LRRC7: variants seen among roughly 807,000 people sequenced by gnomAD.
LRRC7 encodes leucine rich repeat containing 7, also known as leucine-rich repeat-containing protein 7.
In LRRC7, 23 loss-of-function variants were observed where a neutral mutation model predicts 175.7. The ratio of observed to expected loss-of-function variants is 0.13; its 90% CI spans 0.09 to 0.19. LRRC7 has a LOEUF of 0.19. Among genes scored for constraint, LRRC7 ranks in the 10% least tolerant of loss-of-function variants. LRRC7 has a pLI of 1.00. For synonymous variants in LRRC7, 685 were observed against 680.9 expected, an observed-to-expected ratio of 1.01 and a Z score of -0.09; for missense variants, 1,354 against 1,904.7, an observed-to-expected ratio of 0.71 and a Z score of 5.38.
At chr1:69,868,914 C>T (rs1191302925) in intron 7 of LRRC7, among the ~76,000 whole-genome samples, 15 of 107,288 alleles carry the variant, frequency 1.4e-4, no homozygotes, top group Admixed American at 7.8e-4. Context: ...TATATATGTA[C>T]ATATGTACAT....
Position 70,013,103 on chromosome 1 carries a change from A to G in LRRC7, c.1250+14A>G. The G allele has an allele frequency of 1.4e-6, 2 of 1,440,808 alleles. No homozygotes were observed. Among genetic ancestry groups the G allele is most frequent in the Non-Finnish European group, 1.9e-6 (2 of 1,047,668 alleles). The allele number at this position is 1,440,808 out of a possible 1,614,324, so 89.3% of individuals were successfully genotyped here. A position where few individuals can be genotyped will look rare whatever the true frequency, so the allele number is the denominator to read the frequency against. ...GAGTGACAACAGGTATTTTTGCAAC[A>G]TTTCACAATCACATATTAGTTATTT... On this transcript the variant is annotated intron_variant, in intron 13 of 26. Transcript: ENST00000651989.
At chr1:70,086,700 C>T (rs1418116829) in intron 24 of LRRC7, among the ~76,000 whole-genome samples, 2 of 152,072 alleles carry the variant, frequency 1.3e-5, no homozygotes, top group African/African-American at 4.8e-5. Flanking sequence ...AATTACGCCA[C>T]TGCACTCCAG....
intron 2 of LRRC7, among the ~76,000 whole-genome samples, chr1:69,736,359 G>A (rs1220549758): frequency 6.6e-6 from 1 of 151,956 alleles, no homozygotes; most frequent in Admixed American, 6.6e-5. Flanking sequence ...AGAAAACAAG[G>A]AATATTATTT....
intron 1 of LRRC7, among the ~76,000 whole-genome samples, chr1:69,574,520 G>A (rs1313455899): frequency 6.6e-6 from 1 of 152,124 alleles, no homozygotes; most frequent in Non-Finnish European, 1.5e-5. Context: ...TTAAGATAGT[G>A]CCTAAGTATT....
intron 1 of LRRC7, among the ~76,000 whole-genome samples, chr1:69,569,441 T>C (rs1442516461): frequency 6.6e-6 from 1 of 151,828 alleles, no homozygotes; most frequent in Non-Finnish European, 1.5e-5. Context: ...TCCGAGTTAT[T>C]AAGGATGCAG....
intron 1 of LRRC7, among the ~76,000 whole-genome samples, chr1:69,590,081 A>G (rs1267275224): frequency 6.6e-6 from 1 of 152,186 alleles, no homozygotes; most frequent in Non-Finnish European, 1.5e-5. Context: ...AGGAAAAAAT[A>G]TTATCCATGA....
intron 24 of LRRC7, among the ~76,000 whole-genome samples, chr1:70,085,664 A>G (rs1249386987): frequency 1.3e-5 from 2 of 152,156 alleles, no homozygotes; most frequent in Non-Finnish European, 2.9e-5. Context: ...TCCATCAAAA[A>G]TAGCTCTTTC....
At chr1:69,902,164 C>T (rs1173860835) in intron 7 of LRRC7, among the ~76,000 whole-genome samples, 1 of 152,168 alleles carries the variant, frequency 6.6e-6, no homozygotes, top group African/African-American at 2.4e-5. Context: ...CTGAAGGCAA[C>T]AGCCACATGT....
At chr1:69,896,161 A>G (rs1645973848) in intron 7 of LRRC7, among the ~76,000 whole-genome samples, 2 of 151,920 alleles carry the variant, frequency 1.3e-5, no homozygotes, top group African/African-American at 4.8e-5. Context: ...TTTTAATTGT[A>G]TTTTATATCG....
At chr1:69,775,590 T>C (rs1672725148) in intron 3 of LRRC7, among the ~76,000 whole-genome samples, 1 of 152,200 alleles carries the variant, frequency 6.6e-6, no homozygotes. Flanking sequence ...TAGAACTGAC[T>C]TCTAGTCACA....
chr1:69,823,883 A>G (rs1026095964), intron 4 of LRRC7, among the ~76,000 whole-genome samples: 7 of 152,168 alleles, frequency 4.6e-5, no homozygotes, highest in Non-Finnish European at 1.0e-4. Context: ...AAACTAAGGC[A>G]TTGGGAGTTT....
At chr1:69,921,165 T>C (rs1437333495) in intron 7 of LRRC7, among the ~76,000 whole-genome samples, 6 of 150,512 alleles carry the variant, frequency 4.0e-5, no homozygotes, top group African/African-American at 1.2e-4. Flanking sequence ...TTGGAAAAAG[T>C]AACAATTCAA....
chr1:69,890,544 T>C (rs1645803475), intron 7 of LRRC7, among the ~76,000 whole-genome samples: 1 of 152,346 alleles, frequency 6.6e-6, no homozygotes, highest in South Asian at 2.1e-4. Flanking sequence ...TAAATGAGCA[T>C]TGGCTTTAAC....
At chr1:70,035,981 G>C in intron 18 of LRRC7, 140 bp from the exon 19 acceptor site, 1 of 590,664 alleles carries the variant, frequency 1.7e-6, no homozygotes, top group Non-Finnish European at 2.9e-6. Flanking sequence ...GATACATATG[G>C]TTTATTTCTC....
chr1:69,691,890 G>C (rs1661933434), intron 2 of LRRC7, among the ~76,000 whole-genome samples: 1 of 150,798 alleles, frequency 6.6e-6, no homozygotes, highest in African/African-American at 2.4e-5. Flanking sequence ...GAGTTTAAAG[G>C]CATCCAATAG....
At chr1:69,779,783 C>A (rs1457635939) in intron 3 of LRRC7, among the ~76,000 whole-genome samples, 1 of 152,210 alleles carries the variant, frequency 6.6e-6, no homozygotes, top group Non-Finnish European at 1.5e-5. Context: ...CTCTTCTCTG[C>A]AGCACATTCA....
intron 22 of LRRC7, among the ~76,000 whole-genome samples, chr1:70,050,395 T>G (rs1304786895): frequency 1.3e-5 from 2 of 152,114 alleles, no homozygotes; most frequent in Non-Finnish European, 2.9e-5. Flanking sequence ...GATTTTTCAC[T>G]AAATCACACC....
At chr1:69,796,821 C>A (rs543731677) in intron 4 of LRRC7, among the ~76,000 whole-genome samples, 20 of 151,814 alleles carry the variant, frequency 1.3e-4, no homozygotes, top group East Asian at 5.8e-4. Flanking sequence ...ACAACAACAA[C>A]AAAAAACAGA....
intron 1 of LRRC7, among the ~76,000 whole-genome samples, chr1:69,589,425 C>A (rs949258188): frequency 6.6e-6 from 1 of 152,098 alleles, no homozygotes; most frequent in African/African-American, 2.4e-5. Flanking sequence ...ACATTTAGCT[C>A]AGACGCGTTC....
Sources: allele counts gnomAD v4.1 joint callset (sites outside exome capture counted in the v4.1 genomes callset), GRCh38; gene constraint gnomAD v4.1.1; transcripts MANE v1.5; gene names NCBI Gene and HGNC (gene_info 2026-07-23, HGNC 2026-07-21).